DPCD: variants seen among roughly 807,000 people sequenced by gnomAD.
The protein encoded by DPCD is deleted in primary ciliary dyskinesia homolog (mouse).
Under a neutral mutation model 26.4 loss-of-function variants are expected in DPCD, and 20 were observed. The observed-to-expected ratio is 0.76, with a 90% CI of 0.53 to 1.10. DPCD has a LOEUF of 1.10. DPCD is among the 50% of genes least tolerant of loss of function. The pLI, the probability that DPCD is intolerant of heterozygous loss-of-function variation, is 0.00. For missense variants in DPCD, 202 were observed against 253.9 expected, an observed-to-expected ratio of 0.80 and a Z score of 1.39; for synonymous variants, 97 against 94.2, an observed-to-expected ratio of 1.03 and a Z score of -0.17.
At chr10:101,588,534 G>A (rs1284488805) in intron 1 of DPCD, 134 bp downstream of exon 1, 2 of 1,477,308 alleles carry the variant, frequency 1.4e-6, no homozygotes, top group Non-Finnish European at 1.8e-6. Context: ...TGCATTTGCA[G>A]ATGAGGAGAC....
At position 101,600,892 on chromosome 10, in the gene DPCD, G is replaced by T. The variant is rs770099808; in HGVS notation, c.270+30G>T. Reference sequence around the variant, plus strand: ...GTCCATCTGTCCAGGTGTCTTGCACGGACTGAGGTGGGGGTGGGCTGTGGG... The same window carrying T: ...GTCCATCTGTCCAGGTGTCTTGCACTGACTGAGGTGGGGGTGGGCTGTGGG... On this transcript the variant is annotated intron_variant, in intron 3 of 5. Transcript: ENST00000370151. This position sits in a 1 kb window ranked among gnomAD's most constrained non-coding sequence, Gnocchi z 4.7. 1.2e-6 allele frequency: 2 copies of T among 1,613,510 alleles called. No individual in the cohort carries two copies. The highest frequency in any genetic ancestry group is 1.7e-6 in the Non-Finnish European group (2 of 1,179,882).
chr10:101,590,856 G>A (rs758070683), intron 1 of DPCD, among the ~76,000 whole-genome samples: 1 of 152,040 alleles, frequency 6.6e-6, no homozygotes, highest in African/African-American at 2.4e-5. Flanking sequence ...TAGGAACCTC[G>A]TCTAAGTGGA....
At chr10:101,593,055 A>G (rs2063623905) in intron 1 of DPCD, among the ~76,000 whole-genome samples, 3 of 151,978 alleles carry the variant, frequency 2.0e-5, no homozygotes, top group Non-Finnish European at 4.4e-5. Context: ...AATACAGGTA[A>G]TGAAAACACA....
chr10:101,600,443 G>A lies in DPCD; in HGVS notation c.146-295G>A, dbSNP rs548652065. Among the ~76,000 whole-genome samples the A allele has an allele frequency of 4.7e-4, 72 of 152,218 alleles. No individual in the cohort carries two copies. Among genetic ancestry groups the A allele is most frequent in the Non-Finnish European group, 8.2e-4 (56 of 68,014 alleles). On this transcript the variant is annotated intron_variant, in intron 2 of 5. Coordinates refer to ENST00000370151, the MANE Select transcript of DPCD (RefSeq NM_015448.3). The surrounding 1 kb of genome is among the most constrained non-coding windows in gnomAD (Gnocchi z 4.7). ...TCCTTGCTTGAAGCCACACCTGAGG[G>A]TTTCTTGACTCCACTTGGCTCTTCT...
At position 101,605,012 on chromosome 10, in the gene DPCD, G is replaced by T. The variant is rs562358699; in HGVS notation, c.404+3676G>T. On this transcript the variant is annotated intron_variant, in intron 4 of 5. Coordinates refer to ENST00000370151, the MANE Select transcript of DPCD (RefSeq NM_015448.3). ...TCTGGATTAAACAGGCTTCTCTTTGGTGGGGCCGAGAGCCTTTAGTATGTG... is the reference window on the plus strand; with the variant it reads ...TCTGGATTAAACAGGCTTCTCTTTGTTGGGGCCGAGAGCCTTTAGTATGTG... The T allele has an allele frequency of 4.2e-5, 57 of 1,349,262 alleles. 1 individual carries two copies. The South Asian group carries it at 7.1e-4, about 17-fold the overall frequency. The allele number at this position is 1,349,262 out of a possible 1,614,324, so 83.6% of individuals were successfully genotyped here.
intron 5 of DPCD, 99 bp downstream of exon 5, chr10:101,609,036 A>C: frequency 9.7e-7 from 1 of 1,025,770 alleles, no homozygotes; most frequent in Non-Finnish European, 1.5e-6. Flanking sequence ...TCTAGCCCCA[A>C]GCCCTAGGGT....
chr10:101,594,787 C>A, intron 2 of DPCD, 49 bp downstream of exon 2: 2 of 1,561,454 alleles, frequency 1.3e-6, no homozygotes, highest in Non-Finnish European at 1.8e-6. Flanking sequence ...TTGGGGCTGA[C>A]ATAAGCACAA....
At chr10:101,601,392 G>A (rs2063697747) in intron 4 of DPCD, 56 bp downstream of exon 4, 1 of 1,588,086 alleles carries the variant, frequency 6.3e-7, no homozygotes, top group East Asian at 2.3e-5. Context: ...TGTAGGGTGG[G>A]GTTTGATCTG....
chr10:101,588,533 A>G, intron 1 of DPCD, 133 bp downstream of exon 1: 2 of 1,475,992 alleles, frequency 1.4e-6, no homozygotes, highest in Non-Finnish European at 1.8e-6. Context: ...CTGCATTTGC[A>G]GATGAGGAGA....
chr10:101,603,696 G>A lies in DPCD; in HGVS notation c.404+2360G>A, dbSNP rs1465445990. On this transcript the variant is annotated intron_variant, in intron 4 of 5. Transcript: ENST00000370151. The surrounding 1 kb of genome is among the most constrained non-coding windows in gnomAD (Gnocchi z 4.6). ...CGCTTGAACCCAGGAGGTAGAGGTT[G>A]CAGTGAGCCAAGATCATGCCATTGC... 6.6e-6 allele frequency among the ~76,000 whole-genome samples: 1 copy of A among 151,502 alleles called. No homozygotes were observed. The highest frequency in any genetic ancestry group is 2.1e-4 in the South Asian group (1 of 4,810).
chr10:101,590,044 C>T (rs563582652), intron 1 of DPCD, among the ~76,000 whole-genome samples: 51 of 148,290 alleles, frequency 3.4e-4, no homozygotes, highest in African/African-American at 1.3e-3. Context: ...CAGAGCGAGA[C>T]CCTGTCTCAA....
At chr10:101,608,697 T>C (rs2063749163) in intron 4 of DPCD, 138 bp from the exon 5 acceptor site, 1 of 620,244 alleles carries the variant, frequency 1.6e-6, no homozygotes, top group Non-Finnish European at 2.9e-6. Context: ...ACTGGTGTTC[T>C]AACTGGTTTC....
chr10:101,605,414 C>T (rs1440409340), intron 4 of DPCD, among the ~76,000 whole-genome samples: 5 of 152,198 alleles, frequency 3.3e-5, no homozygotes, highest in Admixed American at 3.3e-4. Flanking sequence ...GTCTGTCAAA[C>T]AGGGAGAAGA....
At chr10:101,609,259 A>G in intron 5 of DPCD, 108 bp from the exon 6 acceptor site, 2 of 1,057,452 alleles carry the variant, frequency 1.9e-6, no homozygotes, top group Admixed American at 2.3e-5. Context: ...ACAGGCCTCA[A>G]TTTTCTCGTG....
intron 1 of DPCD, among the ~76,000 whole-genome samples, chr10:101,593,648 G>A (rs2063629103): frequency 6.6e-6 from 1 of 152,076 alleles, no homozygotes. Flanking sequence ...GAGTGCAGTG[G>A]CACAATCTCA....
chr10:101,601,843 C>G (rs2063700894), intron 4 of DPCD, among the ~76,000 whole-genome samples: 1 of 152,114 alleles, frequency 6.6e-6, no homozygotes, highest in African/African-American at 2.4e-5. Flanking sequence ...TAATCCCTCC[C>G]CAGACTGACA....
chr10:101,603,667 GA>G lies in DPCD; in HGVS notation c.404+2333del, dbSNP rs1370595267. Among the ~76,000 whole-genome samples the G allele has an allele frequency of 6.6e-6, 1 of 151,616 alleles. No homozygotes were observed. The highest frequency in any genetic ancestry group is 1.9e-4 in the East Asian group (1 of 5,148). ...AGCTACTCGGGAGGCTGAGGAAGGAGAATCGCTTGAACCCAGGAGGTAGAGG... is the reference window on the plus strand; with the variant it reads ...AGCTACTCGGGAGGCTGAGGAAGGAGATCGCTTGAACCCAGGAGGTAGAGG... On this transcript the variant is annotated intron_variant, in intron 4 of 5. Coordinates refer to ENST00000370151, the MANE Select transcript of DPCD (RefSeq NM_015448.3). This position sits in a 1 kb window ranked among gnomAD's most constrained non-coding sequence, Gnocchi z 4.6.
rs373031871 is a variant in DPCD at position 101,609,355 on chromosome 10, C to G, written c.508-12C>G. The stretch of plus-strand genomic sequence containing the variant: ...GACTGAATTATTTTCTTATTCCTGG[C>G]TGCATCCACAGTACCAGAAGCCAAA... On this transcript the variant is annotated splice_polypyrimidine_tract_variant and intron_variant, in intron 5 of 5. Coordinates refer to ENST00000370151, the MANE Select transcript of DPCD (RefSeq NM_015448.3). 5.5e-5 allele frequency: 89 copies of G among 1,613,254 alleles called. No homozygotes were observed. Among genetic ancestry groups the G allele is most frequent in the Non-Finnish European group, 7.3e-5 (86 of 1,179,446 alleles).
intron 1 of DPCD, among the ~76,000 whole-genome samples, chr10:101,591,264 T>G (rs896102414): frequency 2.6e-5 from 4 of 152,256 alleles, no homozygotes; most frequent in African/African-American, 7.2e-5. Flanking sequence ...GTATTGTGGA[T>G]AATGCTGCTC....
Sources: gnomAD v4.1 joint callset for allele counts (sites outside exome capture counted in the v4.1 genomes callset) on GRCh38, gnomAD v4.1.1 for gene constraint, Gnocchi (gnomAD v3.1) non-coding constraint, MANE v1.5 for transcripts, NCBI Gene and HGNC (gene_info 2026-07-23, HGNC 2026-07-21) for gene names.